The following PRKCH variants were observed in gnomAD, a reference collection of about 807,000 sequenced individuals.
The protein encoded by PRKCH is protein kinase C eta.
PRKCH carries 28 observed loss-of-function variants against 82.5 expected under a neutral mutation model. That is an observed-to-expected ratio of 0.34 (90% CI 0.25 to 0.47). The LOEUF (loss-of-function observed/expected upper bound fraction) is 0.47, where lower values mean the gene tolerates loss of function less well. PRKCH is among the 20% of genes least tolerant of loss of function. The pLI, the probability that PRKCH is intolerant of heterozygous loss-of-function variation, is 1.00. For missense variants in PRKCH, 705 were observed against 881.8 expected, an observed-to-expected ratio of 0.80 and a Z score of 2.54; for synonymous variants, 322 against 327.4, an observed-to-expected ratio of 0.98 and a Z score of 0.18.
At chr14:61,329,254 T>TTTTTTTTTTTTTTTTTTTG (rs1555375988) in intron 1 of PRKCH, among the ~76,000 whole-genome samples, 1 of 122,514 alleles carries the variant, frequency 8.2e-6, no homozygotes, top group Non-Finnish European at 1.7e-5. Context: ...TTTTTTTTTT[T>TTTTTTTTTTTTTTTTTTTG]GAGACAGAAT....
intron 10 of PRKCH, among the ~76,000 whole-genome samples, chr14:61,494,679 T>C (rs1027453328): frequency 6.6e-6 from 1 of 152,254 alleles, no homozygotes; most frequent in South Asian, 2.1e-4. Flanking sequence ...TCTTTGCATA[T>C]GTGCTGTCAC....
intron 2 of PRKCH, among the ~76,000 whole-genome samples, chr14:61,417,937 G>A (rs1022898145): frequency 1.3e-5 from 2 of 152,214 alleles, no homozygotes; most frequent in African/African-American, 4.8e-5. Context: ...TACTGAAAGG[G>A]TAGAGGCCAG....
At chr14:61,505,331 G>C (rs1376265978) in intron 10 of PRKCH, among the ~76,000 whole-genome samples, 1 of 150,032 alleles carries the variant, frequency 6.7e-6, no homozygotes, top group Non-Finnish European at 1.5e-5. Context: ...TTCTCACTGA[G>C]ACTTCACATG....
chr14:61,457,075 A>G, intron 7 of PRKCH, 101 bp from the exon 8 acceptor site: 2 of 1,283,740 alleles, frequency 1.6e-6, no homozygotes, highest in Non-Finnish European at 2.1e-6. Flanking sequence ...CCCACGTTAT[A>G]CTGGGGGTGA....
chr14:61,276,646 G>A (rs920386811), intron 1 of PRKCH, among the ~76,000 whole-genome samples: 4 of 151,522 alleles, frequency 2.6e-5, no homozygotes, highest in South Asian at 2.1e-4. Flanking sequence ...ATGAGCCACC[G>A]CACCTGGCCG....
intron 2 of PRKCH, among the ~76,000 whole-genome samples, chr14:61,412,665 T>G (rs1298632315): frequency 1.3e-5 from 2 of 152,172 alleles, no homozygotes; most frequent in East Asian, 3.8e-4. Flanking sequence ...GCATATAAAT[T>G]TTTGGCATTA....
At chr14:61,222,910 C>A (rs2140053789) in intron 1 of PRKCH, among the ~76,000 whole-genome samples, 1 of 152,290 alleles carries the variant, frequency 6.6e-6, no homozygotes, top group East Asian at 1.9e-4. Context: ...TGGCCAGTTT[C>A]ACACCTATAA....
chr14:61,248,316 A>G (rs1354637305), intron 1 of PRKCH, among the ~76,000 whole-genome samples: 3 of 152,214 alleles, frequency 2.0e-5, no homozygotes, highest in Non-Finnish European at 4.4e-5. Context: ...TCAACCATCA[A>G]AATAATCTGG....
chr14:61,249,997 T>C (rs1465977868), intron 1 of PRKCH, among the ~76,000 whole-genome samples: 3 of 149,852 alleles, frequency 2.0e-5, no homozygotes, highest in African/African-American at 7.3e-5. Context: ...CGGCGGCTCA[T>C]GCCTGTAATC....
At chr14:61,503,288 T>G (rs1363255981) in intron 10 of PRKCH, among the ~76,000 whole-genome samples, 2 of 150,876 alleles carry the variant, frequency 1.3e-5, no homozygotes, top group Non-Finnish European at 2.9e-5. Flanking sequence ...GTATGTGTGT[T>G]AGTGGTTTTT....
chr14:61,422,678 G>A (rs59107317), intron 2 of PRKCH, among the ~76,000 whole-genome samples: 10 of 152,176 alleles, frequency 6.6e-5, no homozygotes, highest in East Asian at 1.9e-4. Flanking sequence ...TATTTTAACC[G>A]TCTAGTTGTG....
At chr14:61,472,490 T>A (rs1292840288) in intron 9 of PRKCH, among the ~76,000 whole-genome samples, 4 of 152,202 alleles carry the variant, frequency 2.6e-5, no homozygotes, top group African/African-American at 7.2e-5. Context: ...GAAAACGTGC[T>A]GATAGCAATA....
intron 1 of PRKCH, among the ~76,000 whole-genome samples, chr14:61,339,622 C>CT (rs757220300): frequency 0.52 from 31,541 of 60,230 alleles, 9,292 homozygotes; most frequent in Non-Finnish European, 0.64. Flanking sequence ...CAAGCCCGGC[C>CT]TTTTTTTTTT....
intron 2 of PRKCH, among the ~76,000 whole-genome samples, chr14:61,441,170 T>C (rs1883950959): frequency 6.6e-6 from 1 of 152,068 alleles, no homozygotes; most frequent in Non-Finnish European, 1.5e-5. Flanking sequence ...ATTTCTAGAA[T>C]TAAAGATGTG....
At chr14:61,239,375 G>C (rs2044816089) in intron 1 of PRKCH, among the ~76,000 whole-genome samples, 1 of 152,166 alleles carries the variant, frequency 6.6e-6, no homozygotes. Flanking sequence ...GAGCGCCTGG[G>C]TGCAGGTGGG....
chr14:61,530,100 C>T (rs1186738787), intron 11 of PRKCH, among the ~76,000 whole-genome samples: 1 of 152,120 alleles, frequency 6.6e-6, no homozygotes, highest in East Asian at 1.9e-4. Context: ...AGTGAGTGAA[C>T]CCAGTCCCCT....
At chr14:61,462,220 C>T (rs1411369060) in intron 9 of PRKCH, among the ~76,000 whole-genome samples, 1 of 152,064 alleles carries the variant, frequency 6.6e-6, no homozygotes, top group Non-Finnish European at 1.5e-5. Context: ...GGTGAAACCC[C>T]GTCTACTAAA....
At position 61,321,932 on chromosome 14, in the gene PRKCH, A is replaced by C; in HGVS notation, c.-170A>C. 4.7e-6 allele frequency: 3 copies of C among 632,086 alleles called. No homozygotes were observed. Among genetic ancestry groups the C allele is most frequent in the Non-Finnish European group, 5.2e-6 (2 of 384,640 alleles). The allele number at this position is 632,086 out of a possible 1,614,324, so 39.2% of individuals were successfully genotyped here. On this transcript the variant is annotated 5_prime_UTR_variant, in exon 1 of 14. Transcript: ENST00000332981. The surrounding 1 kb of genome is among the most constrained non-coding windows in gnomAD (Gnocchi z 4.1). ...GGGAGGGAGGGAAGGAGGGGAGGGA[A>C]AAGTCCCACGGAGGAGGCAGAATGG...
intron 12 of PRKCH, among the ~76,000 whole-genome samples, chr14:61,542,021 G>T (rs571507114): frequency 4.6e-5 from 7 of 152,324 alleles, no homozygotes; most frequent in Non-Finnish European, 8.8e-5. Flanking sequence ...CGGGCGTGGT[G>T]GCTCACACCT....
Sources: allele counts gnomAD v4.1 joint callset (sites outside exome capture counted in the v4.1 genomes callset), GRCh38; gene constraint gnomAD v4.1.1; non-coding constraint Gnocchi (gnomAD v3.1); transcripts MANE v1.5; gene names NCBI Gene and HGNC (gene_info 2026-07-23, HGNC 2026-07-21).